Variants in TENM3 observed in about 807,000 individuals in gnomAD.
The protein encoded by TENM3 is teneurin-3.
In TENM3, 63 loss-of-function variants were observed where a neutral mutation model predicts 255.1. That is an observed-to-expected ratio of 0.25 (90% CI 0.20 to 0.30). The LOEUF (loss-of-function observed/expected upper bound fraction) is 0.30, where lower values mean the gene tolerates loss of function less well. Among genes scored for constraint, TENM3 ranks in the 10% least tolerant of loss-of-function variants. TENM3 has a pLI of 1.00. For synonymous variants in TENM3, 1,306 were observed against 1,322.3 expected, an observed-to-expected ratio of 0.99 and a Z score of 0.27; for missense variants, 2,929 against 3,461.1, an observed-to-expected ratio of 0.85 and a Z score of 3.86.
At chr4:182,746,893 T>C (rs2152741753) in intron 19 of TENM3, among the ~76,000 whole-genome samples, 1 of 152,322 alleles carries the variant, frequency 6.6e-6, no homozygotes, top group South Asian at 2.1e-4. Flanking sequence ...AAATAGGGAT[T>C]CCATTTGCTT....
chr4:182,360,668 T>C (rs1048556352), intron 3 of TENM3, among the ~76,000 whole-genome samples: 1 of 152,162 alleles, frequency 6.6e-6, no homozygotes, highest in African/African-American at 2.4e-5. Context: ...GTCTTGACTC[T>C]TTATCCAATT....
chr4:182,011,405 C>T, the TENM3 span, among the ~76,000 whole-genome samples: 1 of 152,098 alleles, frequency 6.6e-6, no homozygotes, highest in Admixed American at 6.6e-5. Flanking sequence ...TCATTCATTT[C>T]TCCCTGTATC....
intron 24 of TENM3, among the ~76,000 whole-genome samples, chr4:182,785,318 T>C (rs1342937739): frequency 6.6e-6 from 1 of 151,922 alleles, no homozygotes; most frequent in Non-Finnish European, 1.5e-5. Context: ...GTGATCTGCC[T>C]GCCTCAGCCT....
chr4:182,327,703 T>G (rs957480634), intron 2 of TENM3, among the ~76,000 whole-genome samples: 6 of 152,236 alleles, frequency 3.9e-5, no homozygotes, highest in African/African-American at 1.4e-4. Flanking sequence ...GAAATGTTGC[T>G]CTTTGAACAG....
the TENM3 span, among the ~76,000 whole-genome samples, chr4:181,907,856 C>T: frequency 9.2e-5 from 14 of 152,028 alleles, no homozygotes. Context: ...AAACAATGAA[C>T]GTTTAATGTT....
the TENM3 span, among the ~76,000 whole-genome samples, chr4:181,537,223 T>G: frequency 4.2e-4 from 64 of 152,334 alleles, 1 homozygote; most frequent in African/African-American, 1.5e-3. Flanking sequence ...CTTTCAAGTT[T>G]CCTGACTCCT....
chr4:181,791,477 G>C, the TENM3 span, among the ~76,000 whole-genome samples: 2 of 152,166 alleles, frequency 1.3e-5, no homozygotes, highest in African/African-American at 2.4e-5. Context: ...TGTAAACAAA[G>C]TGTGAAGAAT....
the TENM3 span, among the ~76,000 whole-genome samples, chr4:181,714,874 AG>A: frequency 6.6e-6 from 1 of 152,222 alleles, no homozygotes. Flanking sequence ...ATTCTAGTTT[AG>A]GAAACTTCGC....
chr4:181,644,754 G>A, the TENM3 span, among the ~76,000 whole-genome samples: 1 of 151,964 alleles, frequency 6.6e-6, no homozygotes, highest in East Asian at 1.9e-4. Flanking sequence ...ATAAAGGTGA[G>A]TTCAGGAACT....
the TENM3 span, among the ~76,000 whole-genome samples, chr4:181,476,205 G>GT: frequency 2.0e-5 from 2 of 98,070 alleles, no homozygotes; most frequent in South Asian, 3.0e-4. Context: ...ACATTTTAGG[G>GT]GTTTTTTTTT....
At chr4:182,332,714 A>G (rs1763855320) in intron 2 of TENM3, among the ~76,000 whole-genome samples, 1 of 151,982 alleles carries the variant, frequency 6.6e-6, no homozygotes, top group Non-Finnish European at 1.5e-5. Flanking sequence ...AAAAGAAAAA[A>G]AAAAAAAGAC....
chr4:182,705,087 A>G (rs1338377222), intron 12 of TENM3, among the ~76,000 whole-genome samples: 2 of 152,236 alleles, frequency 1.3e-5, no homozygotes, highest in Admixed American at 1.3e-4. Flanking sequence ...GCAGCAGTTA[A>G]GGAACATCAA....
chr4:182,552,966 C>T (rs553708019), intron 3 of TENM3, among the ~76,000 whole-genome samples: 9 of 152,270 alleles, frequency 5.9e-5, no homozygotes, highest in Middle Eastern at 3.4e-3. Context: ...GACTAGGGAG[C>T]GAGCCAACAC....
the TENM3 span, among the ~76,000 whole-genome samples, chr4:181,529,720 C>T: frequency 6.6e-6 from 1 of 152,232 alleles, no homozygotes; most frequent in East Asian, 1.9e-4. Flanking sequence ...TCATTGGCCA[C>T]TTTAGCCTCC....
At chr4:182,435,854 C>T (rs1340773230) in intron 3 of TENM3, among the ~76,000 whole-genome samples, 1 of 151,604 alleles carries the variant, frequency 6.6e-6, no homozygotes, top group Non-Finnish European at 1.5e-5. Context: ...ATAAGGAAGA[C>T]CTGAAGTTGG....
the TENM3 span, among the ~76,000 whole-genome samples, chr4:181,656,459 T>G: frequency 2.0e-5 from 3 of 152,106 alleles, no homozygotes; most frequent in Admixed American, 1.3e-4. Context: ...ATAAAGGAAG[T>G]GCGATTTGGC....
chr4:181,913,521 C>T, the TENM3 span, among the ~76,000 whole-genome samples: 5 of 152,040 alleles, frequency 3.3e-5, no homozygotes, highest in South Asian at 2.1e-4. Flanking sequence ...AGGGTTAGAC[C>T]GCACAGTCTA....
chr4:182,516,906 G>A (rs1738021103), intron 3 of TENM3, among the ~76,000 whole-genome samples: 1 of 147,082 alleles, frequency 6.8e-6, no homozygotes, highest in African/African-American at 2.5e-5. Flanking sequence ...AAAAAAAAAT[G>A]TAGGATTATT....
rs1422478132 is a variant in TENM3, at chr4:182,802,731, T to C, written c.*2380T>C. ...AAGACTTGTGATCTGGACATGCTTT[T>C]ACAAGAAATAGTGACCTTGGGGAAT... is the stretch of plus-strand genomic sequence containing the variant. On this transcript the variant is annotated 3_prime_UTR_variant, in exon 28 of 28. Coordinates refer to ENST00000511685, the MANE Select transcript of TENM3 (RefSeq NM_001080477.4). 7.4e-6 allele frequency: 1 copy of C among 135,016 alleles called. No individual in the cohort carries two copies. Among genetic ancestry groups the C allele is most frequent in the African/African-American group, 2.9e-5 (1 of 35,006 alleles). 8.4% of individuals were successfully genotyped at this position (135,016 alleles called of 1,614,324 possible). A position where few individuals can be genotyped will look rare whatever the true frequency, so the allele number is the denominator to read the frequency against.
Sources: gnomAD v4.1 joint callset for allele counts (sites outside exome capture counted in the v4.1 genomes callset) on GRCh38, gnomAD v4.1.1 for gene constraint, MANE v1.5 for transcripts, NCBI Gene and HGNC (gene_info 2026-07-23, HGNC 2026-07-21) for gene names.